Variants in CTNNA1 observed in about 807,000 individuals in gnomAD.
The protein encoded by CTNNA1 is catenin alpha-1.
A neutral mutation model predicts 98.4 loss-of-function variants in CTNNA1; 37 were observed. The ratio of observed to expected loss-of-function variants is 0.38; its 90% CI spans 0.29 to 0.49. The LOEUF (loss-of-function observed/expected upper bound fraction) is 0.49, where lower values mean the gene tolerates loss of function less well. Among genes scored for constraint, CTNNA1 ranks in the 20% least tolerant of loss-of-function variants. The probability of loss-of-function intolerance (pLI) is 0.95; values close to 1 mark genes in which losing one functional copy is unlikely to be tolerated. For synonymous variants in CTNNA1, 404 were observed against 413.2 expected (o/e 0.98, Z 0.27); for missense variants, 761 against 1,147.2 (o/e 0.66, Z 4.86).
At chr5:138,916,920 G>A (rs570294700) in intron 10 of CTNNA1, among the ~76,000 whole-genome samples, 15 of 152,070 alleles carry the variant, frequency 9.9e-5, no homozygotes, top group East Asian at 3.9e-4. Flanking sequence ...AATTACAGGC[G>A]TGTGCCACCA....
At chr5:138,932,054 T>C in intron 16 of CTNNA1, 1 of 982,534 alleles carries the variant, frequency 1.0e-6, no homozygotes. Flanking sequence ...TGCTTTACTT[T>C]ACTCACTTGT....
At chr5:138,878,549 C>T (rs979964643) in intron 7 of CTNNA1, among the ~76,000 whole-genome samples, 1 of 152,180 alleles carries the variant, frequency 6.6e-6, no homozygotes, top group Admixed American at 6.5e-5. Flanking sequence ...TAAAATCTAA[C>T]CTGTCTCCTC....
intron 7 of CTNNA1, among the ~76,000 whole-genome samples, chr5:138,885,356 G>A (rs745431968): frequency 1.3e-5 from 2 of 152,076 alleles, no homozygotes; most frequent in African/African-American, 2.4e-5. Context: ...AGAAAGAACC[G>A]TATTTGTTTT....
intron 7 of CTNNA1, chr5:138,870,594 AAAG>A (rs1765247294): frequency 6.6e-6 from 1 of 152,204 alleles, no homozygotes; most frequent in Non-Finnish European, 1.5e-5. Flanking sequence ...ATTCCCAGCC[AAAG>A]AAGGGGATTT....
At chr5:138,840,892 C>T (rs957436202) in intron 7 of CTNNA1, among the ~76,000 whole-genome samples, 1 of 151,972 alleles carries the variant, frequency 6.6e-6, no homozygotes, top group African/African-American at 2.4e-5. Flanking sequence ...TGTCTTTAAC[C>T]CTCTCCTCCC....
chr5:138,836,447 A>G (rs1210137102), intron 7 of CTNNA1, among the ~76,000 whole-genome samples: 1 of 152,236 alleles, frequency 6.6e-6, no homozygotes, highest in Non-Finnish European at 1.5e-5. Context: ...CATAACTCTG[A>G]GAAAGACATC....
At chr5:138,886,314 ATTGT>A in intron 8 of CTNNA1, 22 bp downstream of exon 8, 1 of 1,562,740 alleles carries the variant, frequency 6.4e-7, no homozygotes. Context: ...GAAAGTGCTG[ATTGT>A]TTTTCTAAGT....
intron 7 of CTNNA1, 110 bp downstream of exon 7, chr5:138,827,828 C>G: frequency 1.5e-6 from 2 of 1,359,964 alleles, no homozygotes; most frequent in South Asian, 1.4e-5. Context: ...GTCCTTGACT[C>G]CTTGATTTTT....
Position 138,844,162 on chromosome 5 carries a change from A to T in CTNNA1, c.1062+16444A>T, listed in dbSNP as rs556697005. On this transcript the variant is annotated intron_variant, in intron 7 of 17. Coordinates refer to ENST00000302763, the MANE Select transcript of CTNNA1 (RefSeq NM_001903.5). The stretch of plus-strand genomic sequence containing the variant: ...TTTTAAAAATTTAAAAATTTTTAAA[A>T]TTTTAAAAATAAAAGTAGAGATGGG... Among the ~76,000 whole-genome samples the T allele has an allele frequency of 1.9e-3, 283 of 152,306 alleles. 1 individual carries two copies. Among genetic ancestry groups the T allele is most frequent in the African/African-American group, 6.5e-3 (269 of 41,560 alleles).
In CTNNA1 at chr5:138,800,497, A is replaced by G. The variant is rs140815165; in HGVS notation, c.302-9541A>G. ...AAGAGAAGGGTTCCCAAATGCCATT[A>G]AAAAGTGCAGCAGAAGGCCAGGTGC... On this transcript the variant is annotated intron_variant, in intron 3 of 17. Transcript: ENST00000302763. 3.0e-3 allele frequency among the ~76,000 whole-genome samples: 458 copies of G among 152,266 alleles called. 2 individuals are homozygous for G. The highest frequency in any genetic ancestry group is 4.4e-3 in the Non-Finnish European group (297 of 68,012).
chr5:138,779,985 G>A (rs900207974), intron 1 of CTNNA1, among the ~76,000 whole-genome samples: 1 of 151,926 alleles, frequency 6.6e-6, no homozygotes. Context: ...ATTGTAGCCC[G>A]TTGTGTCATT....
At chr5:138,759,980 CTTTTTT>C (rs70982734) in intron 1 of CTNNA1, among the ~76,000 whole-genome samples, 83 of 61,236 alleles carry the variant, frequency 1.4e-3, no homozygotes, top group Middle Eastern at 0.011. Context: ...AATTTCTTTC[CTTTTTT>C]TTTTTTTTTT....
chr5:138,759,660 T>C (rs1752095494), intron 1 of CTNNA1, among the ~76,000 whole-genome samples: 1 of 152,080 alleles, frequency 6.6e-6, no homozygotes, highest in African/African-American at 2.4e-5. Context: ...TCCCTAATAT[T>C]TGGAGGACAG....
At chr5:138,812,436 G>T in intron 5 of CTNNA1, 134 bp downstream of exon 5, 2 of 928,484 alleles carry the variant, frequency 2.2e-6, no homozygotes, top group Non-Finnish European at 3.1e-6. Context: ...TTTAAACTAA[G>T]GTGTCTTTTC....
At chr5:138,776,594 G>A (rs1050695467) in intron 1 of CTNNA1, among the ~76,000 whole-genome samples, 1 of 152,144 alleles carries the variant, frequency 6.6e-6, no homozygotes, top group Admixed American at 6.5e-5. Context: ...CCGAGCAGAG[G>A]GGTTCCTCAC....
chr5:138,821,716 A>C (rs1240783563), intron 5 of CTNNA1, among the ~76,000 whole-genome samples: 1 of 152,190 alleles, frequency 6.6e-6, no homozygotes, highest in Non-Finnish European at 1.5e-5. Flanking sequence ...TTCAGATTAC[A>C]TTGAAAGCAG....
At chr5:138,776,265 T>C (rs1203302634) in intron 1 of CTNNA1, among the ~76,000 whole-genome samples, 1 of 151,932 alleles carries the variant, frequency 6.6e-6, no homozygotes, top group East Asian at 2.0e-4. Context: ...CATGCTGCCT[T>C]CAAGCATCTG....
At chr5:138,903,083 A>T (rs985732007) in intron 9 of CTNNA1, among the ~76,000 whole-genome samples, 2 of 152,066 alleles carry the variant, frequency 1.3e-5, no homozygotes, top group African/African-American at 4.8e-5. Flanking sequence ...TTGCTTCTTT[A>T]TGTGACTTTG....
At chr5:138,866,330 T>A (rs926277958) in intron 7 of CTNNA1, among the ~76,000 whole-genome samples, 18 of 119,098 alleles carry the variant, frequency 1.5e-4, no homozygotes, top group East Asian at 2.8e-4. Flanking sequence ...TTATTTATTT[T>A]GGTACAAATA....
Sources: allele counts gnomAD v4.1 joint callset (sites outside exome capture counted in the v4.1 genomes callset), GRCh38; gene constraint gnomAD v4.1.1; transcripts MANE v1.5; gene names NCBI Gene and HGNC (gene_info 2026-07-23, HGNC 2026-07-21).